Variants in GRID2 observed in about 807,000 individuals in gnomAD.
GRID2 encodes glutamate receptor ionotropic, delta-2.
Under a neutral mutation model 114.8 loss-of-function variants are expected in GRID2, and 33 were observed. That is an observed-to-expected ratio of 0.29 (90% CI 0.22 to 0.38). The LOEUF is 0.38. Among genes scored for constraint, GRID2 ranks in the 10% least tolerant of loss-of-function variants. GRID2 has a pLI of 1.00. For synonymous variants in GRID2, 505 were observed against 449.9 expected (o/e 1.12, Z -1.55); for missense variants, 1,184 against 1,257.7 (o/e 0.94, Z 0.89).
In GRID2 at chr4:93,094,514, A is replaced by G. The variant is rs550901482; in HGVS notation, c.529+9235A>G. On this transcript the variant is annotated intron_variant, in intron 3 of 15. Coordinates refer to ENST00000282020, the MANE Select transcript of GRID2 (RefSeq NM_001510.4). ...ATAATGCAGCCTTGCTAATGTAACCAGAATAACTCTTCATTGATAATGAGA... is the reference window on the plus strand; with the variant it reads ...ATAATGCAGCCTTGCTAATGTAACCGGAATAACTCTTCATTGATAATGAGA... 6.6e-4 allele frequency among the ~76,000 whole-genome samples: 101 copies of G among 152,164 alleles called. 1 individual carries two copies. The highest frequency in any genetic ancestry group is 2.2e-3 in the African/African-American group (93 of 41,560).
At chr4:93,494,549 A>G (rs924101966) in intron 12 of GRID2, among the ~76,000 whole-genome samples, 32 of 151,862 alleles carry the variant, frequency 2.1e-4, no homozygotes, top group African/African-American at 7.5e-4. Context: ...CTTGTTATTA[A>G]TAAAAGTTTT....
intron 9 of GRID2, among the ~76,000 whole-genome samples, chr4:93,406,204 A>G (rs1331009681): frequency 6.6e-6 from 1 of 152,146 alleles, no homozygotes; most frequent in Non-Finnish European, 1.5e-5. Flanking sequence ...TGAGCCAAGT[A>G]TGGAAAAACC....
At chr4:92,365,091 A>C (rs1728789350) in intron 1 of GRID2, among the ~76,000 whole-genome samples, 1 of 152,024 alleles carries the variant, frequency 6.6e-6, no homozygotes, top group East Asian at 1.9e-4. Flanking sequence ...GTTCCTCAAA[A>C]AACTGAAAAC....
chr4:93,279,915 G>A (rs145837622), intron 8 of GRID2, among the ~76,000 whole-genome samples: 52 of 152,048 alleles, frequency 3.4e-4, no homozygotes, highest in African/African-American at 1.1e-3. Flanking sequence ...CATTGTATGC[G>A]AAACTGCGGA....
chr4:92,907,819 T>C (rs1163093801), intron 2 of GRID2, among the ~76,000 whole-genome samples: 1 of 151,818 alleles, frequency 6.6e-6, no homozygotes, highest in Non-Finnish European at 1.5e-5. Context: ...AGGTTAGGAG[T>C]TCGAGACCAG....
chr4:93,480,281 A>G (rs1376276201), intron 11 of GRID2, among the ~76,000 whole-genome samples: 1 of 152,012 alleles, frequency 6.6e-6, no homozygotes, highest in East Asian at 2.0e-4. Flanking sequence ...ATGCCAAAAA[A>G]GGACATATCA....
At chr4:92,540,883 GT>G (rs1459821552) in intron 1 of GRID2, among the ~76,000 whole-genome samples, 1 of 151,104 alleles carries the variant, frequency 6.6e-6, no homozygotes, top group East Asian at 1.9e-4. Context: ...GCAAAGACTT[GT>G]GACCAACCCA....
intron 2 of GRID2, among the ~76,000 whole-genome samples, chr4:93,049,186 A>G (rs1578847235): frequency 6.6e-6 from 1 of 152,092 alleles, no homozygotes; most frequent in African/African-American, 2.4e-5. Context: ...TTATTATAGC[A>G]TGTAAATTAT....
At position 92,894,906 on chromosome 4, in the gene GRID2, G is replaced by A. The variant is rs115273448; in HGVS notation, c.245-190089G>A. Among the ~76,000 whole-genome samples, 404 of 151,996 alleles carry A rather than the reference G, an allele frequency of 2.7e-3. 5 individuals carry two copies. Among genetic ancestry groups the A allele is most frequent in the African/African-American group, 9.4e-3 (390 of 41,472 alleles). ...AGTCTGCTTCTTGGGCAGGTCAAGG[G>A]GAGTTCTTGAAATAGAATTAAGATC... is the stretch of plus-strand genomic sequence containing the variant. On this transcript the variant is annotated intron_variant, in intron 2 of 15. Transcript: ENST00000282020.
chr4:93,282,256 G>T, intron 8 of GRID2: 1 of 292,266 alleles, frequency 3.4e-6, no homozygotes, highest in Non-Finnish European at 6.8e-6. Flanking sequence ...TAACTTTTGT[G>T]TAAGTCTTAT....
intron 2 of GRID2, among the ~76,000 whole-genome samples, chr4:92,783,923 C>T (rs1739202630): frequency 6.6e-6 from 1 of 151,930 alleles, no homozygotes; most frequent in South Asian, 2.1e-4. Flanking sequence ...AACTTTGCTT[C>T]CTCCTATTTT....
At chr4:92,544,039 A>G (rs1579553618) in intron 1 of GRID2, among the ~76,000 whole-genome samples, 2 of 152,240 alleles carry the variant, frequency 1.3e-5, no homozygotes, top group South Asian at 4.1e-4. Flanking sequence ...AATACTAGTC[A>G]TGACTTTTTC....
chr4:93,559,625 T>C (rs1171792927), intron 13 of GRID2, among the ~76,000 whole-genome samples: 1 of 152,188 alleles, frequency 6.6e-6, no homozygotes, highest in Non-Finnish European at 1.5e-5. Flanking sequence ...TTTTACACTG[T>C]TGGTGGGAGT....
chr4:92,716,899 T>C (rs529885193), intron 2 of GRID2, among the ~76,000 whole-genome samples: 27 of 152,220 alleles, frequency 1.8e-4, no homozygotes, highest in Non-Finnish European at 3.8e-4. Flanking sequence ...TGACCTGATA[T>C]CAGCAAAGCA....
chr4:92,869,873 TG>T (rs1745147923), intron 2 of GRID2, among the ~76,000 whole-genome samples: 1 of 152,186 alleles, frequency 6.6e-6, no homozygotes, highest in Admixed American at 6.5e-5. Flanking sequence ...TATCATTTTC[TG>T]AAATGTTTGT....
intron 1 of GRID2, among the ~76,000 whole-genome samples, chr4:92,583,742 A>G (rs1050320532): frequency 1.3e-5 from 2 of 150,286 alleles, no homozygotes; most frequent in Non-Finnish European, 3.0e-5. Context: ...CACATTTATT[A>G]CATACACACA....
chr4:93,468,349 T>G (rs1724487487), intron 11 of GRID2, among the ~76,000 whole-genome samples: 1 of 151,266 alleles, frequency 6.6e-6, no homozygotes, highest in Admixed American at 6.6e-5. Context: ...AGAGGGAGAC[T>G]GGCAACAAAT....
chr4:93,047,084 G>A (rs181318247), intron 2 of GRID2, among the ~76,000 whole-genome samples: 2 of 151,966 alleles, frequency 1.3e-5, no homozygotes, highest in Admixed American at 1.3e-4. Context: ...CATAACTCCA[G>A]TCCTGTCATG....
At position 92,801,770 on chromosome 4, in the gene GRID2, C is replaced by G. The variant is rs1192443311; in HGVS notation, c.244+211484C>G. 2.0e-5 allele frequency among the ~76,000 whole-genome samples: 3 copies of G among 151,818 alleles called. No individual in the cohort carries two copies. In the South Asian group the frequency reaches 6.2e-4, roughly 31 times the overall value. On this transcript the variant is annotated intron_variant, in intron 2 of 15. Coordinates refer to ENST00000282020, the MANE Select transcript of GRID2 (RefSeq NM_001510.4). ...GCTTAAATAGATGCCAAGTACTTTTCTGGTGCCTTACATTTATTAACTCAT... is the reference window on the plus strand; with the variant it reads ...GCTTAAATAGATGCCAAGTACTTTTGTGGTGCCTTACATTTATTAACTCAT...
Sources: gnomAD v4.1 joint callset for allele counts (sites outside exome capture counted in the v4.1 genomes callset) on GRCh38, gnomAD v4.1.1 for gene constraint, MANE v1.5 for transcripts, NCBI Gene and HGNC (gene_info 2026-07-23, HGNC 2026-07-21) for gene names.